Variants in ELOVL5 observed in about 807,000 individuals in gnomAD.
The protein encoded by ELOVL5 is ELOVL fatty acid elongase 5, also known as very long chain fatty acid elongase 5.
ELOVL5 carries 8 observed loss-of-function variants against 38.6 expected under a neutral mutation model. The observed-to-expected ratio is 0.21, with a 90% CI of 0.12 to 0.37. The LOEUF is 0.37. Among genes scored for constraint, ELOVL5 ranks in the 10% least tolerant of loss-of-function variants. The pLI is 1.00. For synonymous variants in ELOVL5, 127 were observed against 133.7 expected, an observed-to-expected ratio of 0.95 and a Z score of 0.34; for missense variants, 280 against 367.8, an observed-to-expected ratio of 0.76 and a Z score of 1.95.
chr6:53,291,686 C>A (rs998793504), intron 3 of ELOVL5, 90 bp downstream of exon 3: 2 of 1,057,994 alleles, frequency 1.9e-6, no homozygotes, highest in Non-Finnish European at 2.7e-6. Context: ...ACACCCCAAG[C>A]GGCCACCTTT....
At chr6:53,319,263 TC>T (rs1185878663) in intron 1 of ELOVL5, among the ~76,000 whole-genome samples, 2 of 96,624 alleles carry the variant, frequency 2.1e-5, no homozygotes, top group Non-Finnish European at 3.8e-5. Context: ...AGAGCGAGAC[TC>T]CATCTCAAAA....
Position 53,289,438 on chromosome 6 carries a change from G to T in ELOVL5, c.246+2338C>A, listed in dbSNP as rs905931433. 2.0e-5 allele frequency among the ~76,000 whole-genome samples: 3 copies of T among 152,204 alleles called. No individual in the cohort carries two copies. In the East Asian group the frequency reaches 5.8e-4, roughly 29 times the overall value. On this transcript the variant is annotated intron_variant, in intron 3 of 7. Coordinates refer to ENST00000304434, the MANE Select transcript of ELOVL5 (RefSeq NM_021814.5). ...AATGCTAAGTATAAAAAGAAAAATG[G>T]CCGGGTGCGGTGGCTCACGCCTGTA...
At chr6:53,333,680 T>A (rs1158708963) in intron 1 of ELOVL5, among the ~76,000 whole-genome samples, 1 of 152,214 alleles carries the variant, frequency 6.6e-6, no homozygotes, top group Non-Finnish European at 1.5e-5. Context: ...TTAGAATGAA[T>A]GGGCTCTCTT....
chr6:53,294,316 T>C lies in ELOVL5; in HGVS notation c.58+1326A>G, dbSNP rs757199651. 5.1e-6 allele frequency: 8 copies of C among 1,573,302 alleles called. No individual in the cohort carries two copies. In the East Asian group the frequency reaches 1.9e-4, roughly 37 times the overall value. On this transcript the variant is annotated intron_variant, in intron 2 of 7. Transcript: ENST00000304434. ...GGGCATGTGAAGCAATTGTGGCCAGTGAGTTTTGAGGGATGACAGCTGGCA... is the reference window on the plus strand; with the variant it reads ...GGGCATGTGAAGCAATTGTGGCCAGCGAGTTTTGAGGGATGACAGCTGGCA...
intron 1 of ELOVL5, among the ~76,000 whole-genome samples, chr6:53,304,118 A>C (rs1404562484): frequency 1.3e-5 from 2 of 152,254 alleles, no homozygotes; most frequent in South Asian, 2.1e-4. Flanking sequence ...CAAGTACTCC[A>C]ATCTGTCCTA....
At chr6:53,315,295 C>T (rs1475621735) in intron 1 of ELOVL5, among the ~76,000 whole-genome samples, 1 of 152,148 alleles carries the variant, frequency 6.6e-6, no homozygotes, top group African/African-American at 2.4e-5. Context: ...CTCATGACCT[C>T]ATCTAAACTT....
At chr6:53,299,816 C>T (rs747369017) in intron 1 of ELOVL5, among the ~76,000 whole-genome samples, 1 of 152,150 alleles carries the variant, frequency 6.6e-6, no homozygotes, top group African/African-American at 2.4e-5. Context: ...TTGTCAGAAA[C>T]GGTACATCTG....
At chr6:53,295,841 GAATTT>G (rs1766975860) in intron 1 of ELOVL5, 134 bp from the exon 2 acceptor site, 2 of 543,124 alleles carry the variant, frequency 3.7e-6, no homozygotes, top group Admixed American at 4.1e-5. Context: ...TAGGTTAAAA[GAATTT>G]AATTCACAGA....
At chr6:53,289,441 G>T (rs758266945) in intron 3 of ELOVL5, among the ~76,000 whole-genome samples, 3 of 152,124 alleles carry the variant, frequency 2.0e-5, no homozygotes, top group Admixed American at 6.5e-5. Context: ...AAAAATGGCC[G>T]GGTGCGGTGG....
chr6:53,335,428 A>AAT (rs1331183555), intron 1 of ELOVL5, among the ~76,000 whole-genome samples: 2 of 152,042 alleles, frequency 1.3e-5, no homozygotes, highest in African/African-American at 2.4e-5. Context: ...CCTTTGCTTC[A>AAT]ATACCCTGCC....
At chr6:53,340,133 T>A (rs1047857368) in intron 1 of ELOVL5, among the ~76,000 whole-genome samples, 2 of 152,152 alleles carry the variant, frequency 1.3e-5, no homozygotes, top group African/African-American at 4.8e-5. Context: ...ACAGCCTGTG[T>A]TTTAAGCTAA....
intron 6 of ELOVL5, among the ~76,000 whole-genome samples, chr6:53,271,276 G>T (rs1002342777): frequency 6.6e-6 from 1 of 151,894 alleles, no homozygotes; most frequent in Non-Finnish European, 1.5e-5. Context: ...CTCAGGCCGG[G>T]CGTGGTGGCT....
intron 1 of ELOVL5, among the ~76,000 whole-genome samples, chr6:53,307,121 T>C (rs1446993159): frequency 6.6e-6 from 1 of 152,210 alleles, no homozygotes; most frequent in Non-Finnish European, 1.5e-5. Context: ...AAAAACTATT[T>C]AATGAGTGTC....
At chr6:53,290,659 A>C (rs1766739838) in intron 3 of ELOVL5, 1 of 152,374 alleles carries the variant, frequency 6.6e-6, no homozygotes, top group South Asian at 2.1e-4. Context: ...TGGCTTATGA[A>C]ACATACATGG....
intron 1 of ELOVL5, among the ~76,000 whole-genome samples, chr6:53,305,081 C>T (rs1299464872): frequency 1.4e-5 from 2 of 147,880 alleles, no homozygotes; most frequent in Admixed American, 6.7e-5. Flanking sequence ...CCCTCCCGGA[C>T]GGGGCGGCTC....
intron 1 of ELOVL5, among the ~76,000 whole-genome samples, chr6:53,297,550 G>A (rs1246457850): frequency 6.6e-6 from 1 of 152,114 alleles, no homozygotes; most frequent in Non-Finnish European, 1.5e-5. Context: ...TGGGTTATCA[G>A]ATCAACTGCC....
chr6:53,274,010 C>T, intron 5 of ELOVL5, among the ~76,000 whole-genome samples: 1 of 152,230 alleles, frequency 6.6e-6, no homozygotes, highest in Non-Finnish European at 1.5e-5. Flanking sequence ...TGCAGGTGCA[C>T]AGCCTGGTGT....
chr6:53,335,579 C>T (rs1368021916), intron 1 of ELOVL5, among the ~76,000 whole-genome samples: 1 of 152,020 alleles, frequency 6.6e-6, no homozygotes, highest in Admixed American at 6.6e-5. Context: ...GAGGCCTTGT[C>T]ACTGTAAGTA....
At position 53,268,603 on chromosome 6, in the gene ELOVL5, A is replaced by T. The variant is rs1483215355; in HGVS notation, c.*524T>A. The T allele has an allele frequency of 6.6e-6, 1 of 152,654 alleles. No homozygotes were observed. Among genetic ancestry groups the T allele is most frequent in the Admixed American group, 6.5e-5 (1 of 15,282 alleles). 9.5% of individuals were successfully genotyped at this position (152,654 alleles called of 1,614,324 possible). ...GAAATTATGTCACATTAGTTTCATA[A>T]ATCATGGTCTTTGATTTTTTCTAAA... On this transcript the variant is annotated 3_prime_UTR_variant, in exon 8 of 8. Coordinates refer to ENST00000304434, the MANE Select transcript of ELOVL5 (RefSeq NM_021814.5).
Sources: allele counts gnomAD v4.1 joint callset (sites outside exome capture counted in the v4.1 genomes callset), GRCh38; gene constraint gnomAD v4.1.1; transcripts MANE v1.5; gene names NCBI Gene and HGNC (gene_info 2026-07-23, HGNC 2026-07-21).